Variants in TMEM135 observed in about 807,000 individuals in gnomAD.
TMEM135 encodes peroxisomal membrane protein 52.
TMEM135 carries 30 observed loss-of-function variants against 60.3 expected under a neutral mutation model. That is an observed-to-expected ratio of 0.50 (90% CI 0.37 to 0.68). The LOEUF (loss-of-function observed/expected upper bound fraction) is 0.68. Ranked by LOEUF, TMEM135 falls within the 30% of genes least tolerant of loss-of-function variation. The pLI is 0.00. For missense variants in TMEM135, 468 were observed against 548.8 expected (o/e 0.85, Z 1.47); for synonymous variants, 190 against 186.7 (o/e 1.02, Z -0.14).
intron 1 of TMEM135, among the ~76,000 whole-genome samples, chr11:87,043,060 A>G (rs1303501238): frequency 6.7e-6 from 1 of 150,276 alleles, no homozygotes; most frequent in Non-Finnish European, 1.5e-5. Context: ...GGTTCAAGCC[A>G]TTCTGCTGCC....
At chr11:87,166,444 C>T (rs559393162) in intron 5 of TMEM135, among the ~76,000 whole-genome samples, 4 of 151,680 alleles carry the variant, frequency 2.6e-5, no homozygotes, top group South Asian at 2.1e-4. Context: ...TTAGGTCTTA[C>T]GTTTAAGTCT....
chr11:87,160,258 A>G (rs965866468), intron 5 of TMEM135, among the ~76,000 whole-genome samples: 1 of 152,206 alleles, frequency 6.6e-6, no homozygotes, highest in Non-Finnish European at 1.5e-5. Context: ...ATTTGAAGAA[A>G]TTTTGAAATG....
chr11:87,106,489 A>G (rs987534464), intron 4 of TMEM135, among the ~76,000 whole-genome samples: 2 of 152,136 alleles, frequency 1.3e-5, no homozygotes, highest in Admixed American at 6.5e-5. Context: ...TTTGGCATCT[A>G]TGTTCATCAG....
chr11:87,310,290 C>T (rs1942619972), intron 10 of TMEM135, among the ~76,000 whole-genome samples: 1 of 152,044 alleles, frequency 6.6e-6, no homozygotes, highest in African/African-American at 2.4e-5. Flanking sequence ...TCATTCTTAA[C>T]CTAGTACTCT....
At chr11:87,297,030 G>T (rs776812108) in intron 7 of TMEM135, among the ~76,000 whole-genome samples, 9 of 152,160 alleles carry the variant, frequency 5.9e-5, no homozygotes, top group African/African-American at 1.4e-4. Flanking sequence ...TTTGAGCAGG[G>T]TGGTTGACAT....
chr11:87,270,758 T>C (rs1156298992), intron 6 of TMEM135, among the ~76,000 whole-genome samples: 1 of 152,180 alleles, frequency 6.6e-6, no homozygotes, highest in Non-Finnish European at 1.5e-5. Context: ...AAACTATTGC[T>C]TTTTTATTTT....
intron 6 of TMEM135, among the ~76,000 whole-genome samples, chr11:87,289,437 C>CTTTTTTTTTTTTTTTTT (rs376999371): frequency 3.4e-5 from 3 of 87,578 alleles, no homozygotes; most frequent in African/African-American, 5.9e-5. Flanking sequence ...ATCTCCATAT[C>CTTTTTTTTTTTTTTTTT]TTTTTTTTTT....
chr11:87,185,913 C>CTTTTTTTTTTTTTTTTTTTTTTTTTT (rs367985910), intron 5 of TMEM135, among the ~76,000 whole-genome samples: 3 of 138,854 alleles, frequency 2.2e-5, no homozygotes, highest in Non-Finnish European at 1.6e-5. Context: ...AGTTATCCTT[C>CTTTTTTTTTTTTTTTTTTTTTTTTTT]TTTTTTTTTT....
chr11:87,237,194 G>A (rs1478078271), intron 6 of TMEM135, among the ~76,000 whole-genome samples: 1 of 151,920 alleles, frequency 6.6e-6, no homozygotes, highest in African/African-American at 2.4e-5. Flanking sequence ...GGTTTGTTGG[G>A]GGCTAAGGGG....
intron 6 of TMEM135, among the ~76,000 whole-genome samples, chr11:87,246,338 G>C (rs934396803): frequency 8.6e-5 from 13 of 150,394 alleles, no homozygotes; most frequent in African/African-American, 3.0e-4. Context: ...TCTTGGAGTT[G>C]CTCTTCTCGA....
chr11:87,301,364 C>T (rs953016974), intron 7 of TMEM135, among the ~76,000 whole-genome samples: 6 of 152,044 alleles, frequency 3.9e-5, no homozygotes, highest in Non-Finnish European at 5.9e-5. Flanking sequence ...AGCAATCCTC[C>T]CACGTCAGCC....
intron 6 of TMEM135, among the ~76,000 whole-genome samples, chr11:87,258,696 C>G (rs1018684470): frequency 6.6e-6 from 1 of 152,114 alleles, no homozygotes; most frequent in Non-Finnish European, 1.5e-5. Context: ...GCAATTAAGT[C>G]TCTTCATGAG....
chr11:87,307,015 G>A (rs542725768), intron 9 of TMEM135, among the ~76,000 whole-genome samples: 18 of 152,152 alleles, frequency 1.2e-4, no homozygotes, highest in South Asian at 2.1e-4. Context: ...CACCGCGCCC[G>A]GCCAAGTTCC....
intron 5 of TMEM135, 91 bp from the exon 6 acceptor site, chr11:87,236,547 C>G (rs1941000086): frequency 9.6e-7 from 1 of 1,041,840 alleles, no homozygotes; most frequent in Non-Finnish European, 1.5e-6. Context: ...TTGTTTCAGG[C>G]ACAAGATTTA....
intron 1 of TMEM135, among the ~76,000 whole-genome samples, chr11:87,043,586 GGTGGTGT>G (rs1949769221): frequency 6.6e-6 from 1 of 151,932 alleles, no homozygotes. Context: ...AGCTGGGCAT[GGTGGTGT>G]GCACCTGTAG....
intron 5 of TMEM135, among the ~76,000 whole-genome samples, chr11:87,162,285 A>T (rs989328622): frequency 6.6e-6 from 1 of 151,842 alleles, no homozygotes; most frequent in Non-Finnish European, 1.5e-5. Context: ...GGTTTGTTGC[A>T]TAGGTATACA....
intron 1 of TMEM135, among the ~76,000 whole-genome samples, chr11:87,045,416 T>A (rs1397021890): frequency 6.6e-6 from 1 of 151,948 alleles, no homozygotes; most frequent in East Asian, 1.9e-4. Flanking sequence ...TCGCTTCCAG[T>A]TGAGAGGTAA....
At chr11:87,222,310 C>T (rs1220736546) in intron 5 of TMEM135, among the ~76,000 whole-genome samples, 1 of 145,158 alleles carries the variant, frequency 6.9e-6, no homozygotes, top group Non-Finnish European at 1.5e-5. Context: ...TCCTGGCTAA[C>T]ACGGTGAAAC....
chr11:87,099,951 G>A (rs943897092), intron 4 of TMEM135, among the ~76,000 whole-genome samples: 2 of 152,076 alleles, frequency 1.3e-5, no homozygotes, highest in African/African-American at 4.8e-5. Flanking sequence ...AAAGTGCTGG[G>A]ATTACAGGTG....
Sources: allele counts gnomAD v4.1 joint callset (sites outside exome capture counted in the v4.1 genomes callset), GRCh38; gene constraint gnomAD v4.1.1; transcripts MANE v1.5; gene names NCBI Gene and HGNC (gene_info 2026-07-23, HGNC 2026-07-21).